Variants in SSBP3 observed in about 807,000 individuals in gnomAD.
SSBP3 encodes the protein single-stranded DNA-binding protein 3.
SSBP3 carries 5 observed loss-of-function variants against 69.6 expected under a neutral mutation model. The ratio of observed to expected loss-of-function variants is 0.07; its 90% confidence interval spans 0.04 to 0.15. The LOEUF is 0.15. Among genes scored for constraint, SSBP3 ranks in the 10% least tolerant of loss-of-function variants. The pLI is 1.00. For missense variants in SSBP3, 312 were observed against 534.0 expected, an observed-to-expected ratio of 0.58 and a Z score of 4.10; for synonymous variants, 196 against 193.4, an observed-to-expected ratio of 1.01 and a Z score of -0.11.
In SSBP3 at chr1:54,389,206, T is replaced by C. The variant is rs1025948964; in HGVS notation, c.276+12655A>G. 3.6e-4 allele frequency among the ~76,000 whole-genome samples: 55 copies of C among 152,126 alleles called. 1 individual carries two copies. The highest frequency in any genetic ancestry group is 2.7e-3 in the Admixed American group (42 of 15,278). ...GTTCTCATTTTCCACATTTCTTCAT[T>C]AAAATTAATGGTGACTCAATGCATG... On this transcript the variant is annotated intron_variant, in intron 4 of 17. Transcript: ENST00000610401.
chr1:54,244,438 G>A (rs1644699421), intron 9 of SSBP3, among the ~76,000 whole-genome samples: 1 of 151,460 alleles, frequency 6.6e-6, no homozygotes, highest in South Asian at 2.1e-4. Context: ...GTAGAGATGG[G>A]GTCTCCCTTC....
At chr1:54,307,938 T>C (rs1264319435) in intron 4 of SSBP3, among the ~76,000 whole-genome samples, 3 of 152,196 alleles carry the variant, frequency 2.0e-5, no homozygotes, top group Non-Finnish European at 2.9e-5. Context: ...GTAACCATTC[T>C]TTTATTCCTT....
At chr1:54,242,333 G>A in intron 10 of SSBP3, 121 bp from the exon 11 acceptor site, 1 of 1,108,190 alleles carries the variant, frequency 9.0e-7, no homozygotes, top group East Asian at 2.5e-5. Flanking sequence ...CTACAGCCCT[G>A]CGGTTTAGAG....
intron 5 of SSBP3, among the ~76,000 whole-genome samples, chr1:54,263,042 T>C (rs1259098892): frequency 1.3e-5 from 2 of 152,292 alleles, no homozygotes; most frequent in East Asian, 3.9e-4. Context: ...CACTGGGTAG[T>C]GTTCCATCCA....
At chr1:54,394,607 AAAG>A (rs1212832337) in intron 4 of SSBP3, among the ~76,000 whole-genome samples, 2 of 152,104 alleles carry the variant, frequency 1.3e-5, no homozygotes, top group Non-Finnish European at 2.9e-5. Flanking sequence ...GTCAAAAGAA[AAAG>A]AAGCCAATGT....
chr1:54,265,206 G>A (rs1645080511), intron 5 of SSBP3, among the ~76,000 whole-genome samples: 1 of 152,200 alleles, frequency 6.6e-6, no homozygotes, highest in African/African-American at 2.4e-5. Context: ...GGAAGGGAAA[G>A]CAAGTCAATT....
At chr1:54,335,519 G>A (rs1188924694) in intron 4 of SSBP3, among the ~76,000 whole-genome samples, 1 of 152,202 alleles carries the variant, frequency 6.6e-6, no homozygotes, top group African/African-American at 2.4e-5. Flanking sequence ...GACAGCAGGA[G>A]ACAGAGGCTG....
intron 4 of SSBP3, among the ~76,000 whole-genome samples, chr1:54,360,542 A>T (rs12095967): frequency 0.17 from 25,747 of 152,120 alleles, 2,281 homozygotes; most frequent in East Asian, 0.28. Context: ...ACCCAGGTAA[A>T]CTGGCCTGGG....
At chr1:54,336,237 C>G (rs1194704253) in intron 4 of SSBP3, among the ~76,000 whole-genome samples, 1 of 152,220 alleles carries the variant, frequency 6.6e-6, no homozygotes, top group Non-Finnish European at 1.5e-5. Flanking sequence ...CTTTTACCCA[C>G]TGGGTCTCTG....
intron 5 of SSBP3, among the ~76,000 whole-genome samples, chr1:54,259,773 G>A (rs187678207): frequency 3.7e-4 from 57 of 152,346 alleles, no homozygotes; most frequent in African/African-American, 1.3e-3. Flanking sequence ...GCCGCTGTGA[G>A]GCCTGGGAGT....
At chr1:54,317,728 AAG>A (rs1479771470) in intron 4 of SSBP3, among the ~76,000 whole-genome samples, 1 of 152,060 alleles carries the variant, frequency 6.6e-6, no homozygotes, top group Admixed American at 6.6e-5. Context: ...TCAAGGAGGG[AAG>A]ACAGTGAGGT....
intron 5 of SSBP3, among the ~76,000 whole-genome samples, chr1:54,264,115 GTA>G (rs1645061754): frequency 6.6e-6 from 1 of 152,132 alleles, no homozygotes; most frequent in Admixed American, 6.5e-5. Context: ...AGCCTGGGCA[GTA>G]TGGCAAAACT....
In SSBP3 at chr1:54,300,365, G is replaced by A. The variant is rs149389678; in HGVS notation, c.277-18838C>T. ...ATGCATGCTTGGGCCTGGAAGCCCA[G>A]AGAGTGGAGAGTATCATCATGTCAG... On this transcript the variant is annotated intron_variant, in intron 4 of 17. Coordinates refer to ENST00000610401, the Ensembl canonical transcript of SSBP3. Among the ~76,000 whole-genome samples, 347 of 152,304 alleles carry A rather than the reference G, an allele frequency of 2.3e-3. 1 individual carries two copies. The highest frequency in any genetic ancestry group is 3.9e-3 in the Non-Finnish European group (266 of 68,034).
Position 54,243,318 on chromosome 1 carries a change from G to A in SSBP3, c.652-19C>T, listed in dbSNP as rs1214230840. 6.2e-7 allele frequency: 1 copy of A among 1,614,126 alleles called. No homozygotes were observed. Among genetic ancestry groups the A allele is most frequent in the East Asian group, 2.2e-5 (1 of 44,886 alleles). On this transcript the variant is annotated intron_variant, in intron 9 of 17. Transcript: ENST00000610401. ...CGTAATTCTGCAACGATAACCAAGGGTCAGTCTATGAGAAGAAGGGAACCG... is the reference window on the plus strand; with the variant it reads ...CGTAATTCTGCAACGATAACCAAGGATCAGTCTATGAGAAGAAGGGAACCG...
At chr1:54,264,886 G>A (rs911636876) in intron 5 of SSBP3, among the ~76,000 whole-genome samples, 1 of 152,246 alleles carries the variant, frequency 6.6e-6, no homozygotes, top group Non-Finnish European at 1.5e-5. Context: ...TGGAGAGGCT[G>A]AAGGAGTGGG....
intron 4 of SSBP3, among the ~76,000 whole-genome samples, chr1:54,395,932 C>T (rs555905410): frequency 8.5e-5 from 13 of 152,292 alleles, no homozygotes; most frequent in African/African-American, 2.4e-4. Flanking sequence ...GTGGCTCACG[C>T]CTGCAATCCC....
intron 4 of SSBP3, among the ~76,000 whole-genome samples, chr1:54,400,204 T>G (rs904736288): frequency 2.6e-5 from 4 of 152,182 alleles, no homozygotes; most frequent in African/African-American, 9.7e-5. Context: ...AGCACCGAAC[T>G]TGGTTAAAAT....
intron 14 of SSBP3, chr1:54,238,617 C>G (rs1287865847): frequency 3.1e-6 from 1 of 326,424 alleles, no homozygotes; most frequent in Non-Finnish European, 6.3e-6. Context: ...CAACATCACC[C>G]AAGGGCTGCA....
At chr1:54,383,005 G>GA in intron 4 of SSBP3, among the ~76,000 whole-genome samples, 1 of 125,920 alleles carries the variant, frequency 7.9e-6, no homozygotes, top group African/African-American at 3.1e-5. Flanking sequence ...AAAAAAAGAA[G>GA]AGAGAGAGAG....
Sources: gnomAD v4.1 joint callset for allele counts (sites outside exome capture counted in the v4.1 genomes callset) on GRCh38, gnomAD v4.1.1 for gene constraint, MANE v1.5 for transcripts, NCBI Gene and HGNC (gene_info 2026-07-23, HGNC 2026-07-21) for gene names.